The following PHACTR1 variants were observed in gnomAD, a reference collection of about 807,000 sequenced individuals.
The protein encoded by PHACTR1 is phosphatase and actin regulator 1.
Under a neutral mutation model 69.2 loss-of-function variants are expected in PHACTR1, and 16 were observed. The ratio of observed to expected loss-of-function variants is 0.23; its 90% CI spans 0.16 to 0.35. The LOEUF is 0.35. Ranked by LOEUF, PHACTR1 falls within the 10% of genes least tolerant of loss-of-function variation. PHACTR1 has a pLI of 1.00. For synonymous variants in PHACTR1, 312 were observed against 284.5 expected (o/e 1.10, Z -0.97); for missense variants, 510 against 734.7 (o/e 0.69, Z 3.54).
At chr6:13,274,880 A>G (rs1778563810) in intron 11 of PHACTR1, 1 of 152,202 alleles carries the variant, frequency 6.6e-6, no homozygotes, top group African/African-American at 2.4e-5. Context: ...GAACTACTTG[A>G]CCAATTCTAA....
intron 8 of PHACTR1, among the ~76,000 whole-genome samples, chr6:13,210,251 G>A (rs1183445101): frequency 6.6e-6 from 1 of 152,142 alleles, no homozygotes; most frequent in Non-Finnish European, 1.5e-5. Flanking sequence ...ATAGTCTAAA[G>A]TGATCATCCT....
In PHACTR1 at chr6:13,104,374, T is replaced by G. The variant is rs1815732192; in HGVS notation, c.415+50845T>G. On this transcript the variant is annotated intron_variant, in intron 5 of 14. Coordinates refer to ENST00000332995, the MANE Select transcript of PHACTR1 (RefSeq NM_030948.6). ...CGCAAGATCATACCTGTGTGTGTGT[T>G]GAGGGGTACACATGGTGACTGAACA... Among the ~76,000 whole-genome samples the G allele has an allele frequency of 2.0e-5, 3 of 152,206 alleles. No individual in the cohort carries two copies. The South Asian group carries it at 6.2e-4, about 32-fold the overall frequency.
At chr6:13,263,504 G>C (rs1776211336) in intron 10 of PHACTR1, among the ~76,000 whole-genome samples, 1 of 152,052 alleles carries the variant, frequency 6.6e-6, no homozygotes, top group African/African-American at 2.4e-5. Context: ...AACCATTTGA[G>C]GCATGGAAAC....
At position 12,899,314 on chromosome 6, in the gene PHACTR1, A is replaced by G. The variant is rs1238264410; in HGVS notation, c.250+149524A>G. Reference sequence around the variant, plus strand: ...TTCCTAATGCAGGGTTGTTATGGGGAATAGTGATGGAAATAATCATTTTAA... The same window carrying G: ...TTCCTAATGCAGGGTTGTTATGGGGGATAGTGATGGAAATAATCATTTTAA... On this transcript the variant is annotated intron_variant, in intron 4 of 14. Coordinates refer to ENST00000332995, the MANE Select transcript of PHACTR1 (RefSeq NM_030948.6). 4.6e-5 allele frequency among the ~76,000 whole-genome samples: 7 copies of G among 152,184 alleles called. 1 individual carries two copies. Among genetic ancestry groups the G allele is most frequent in the Admixed American group, 4.6e-4 (7 of 15,274 alleles).
intron 11 of PHACTR1, among the ~76,000 whole-genome samples, chr6:13,277,087 A>G (rs1292874315): frequency 7.2e-5 from 11 of 152,356 alleles, no homozygotes; most frequent in South Asian, 2.1e-4. Context: ...CTACGCTGAT[A>G]TCTGTGCTTC....
intron 4 of PHACTR1, among the ~76,000 whole-genome samples, chr6:12,852,939 C>T: frequency 6.6e-6 from 1 of 152,134 alleles, no homozygotes; most frequent in East Asian, 1.9e-4. Flanking sequence ...AAATTCATCA[C>T]CTTCCTTTAT....
At chr6:13,146,586 A>G (rs565283160) in intron 5 of PHACTR1, among the ~76,000 whole-genome samples, 8 of 152,352 alleles carry the variant, frequency 5.3e-5, no homozygotes, top group African/African-American at 1.9e-4. Context: ...GCTTATTTCC[A>G]TTAACTTGGC....
intron 4 of PHACTR1, among the ~76,000 whole-genome samples, chr6:13,000,847 A>G (rs890877982): frequency 1.3e-5 from 2 of 152,122 alleles, no homozygotes; most frequent in Non-Finnish European, 2.9e-5. Context: ...AAGGTTATTT[A>G]TGTTTCTTTC....
intron 4 of PHACTR1, among the ~76,000 whole-genome samples, chr6:12,763,483 T>C (rs572208028): frequency 6.6e-6 from 1 of 152,346 alleles, no homozygotes; most frequent in African/African-American, 2.4e-5. Flanking sequence ...AACCCAATTA[T>C]ACGAACAATT....
At position 13,246,046 on chromosome 6, in the gene PHACTR1, A is replaced by C. The variant is rs1773539365; in HGVS notation, c.1391+15853A>C. 6.6e-6 allele frequency among the ~76,000 whole-genome samples: 1 copy of C among 152,216 alleles called. No individual in the cohort carries two copies. Among genetic ancestry groups the C allele is most frequent in the Non-Finnish European group, 1.5e-5 (1 of 68,040 alleles). On this transcript the variant is annotated intron_variant, in intron 10 of 14. Coordinates refer to ENST00000332995, the MANE Select transcript of PHACTR1 (RefSeq NM_030948.6). This position sits in a 1 kb window ranked among gnomAD's most constrained non-coding sequence, Gnocchi z 4.2. ...AGGCTACACTACTAGCCAAGTTCACACAGTAATTTCTGACAAACTAGGATT... is the reference window on the plus strand; with the variant it reads ...AGGCTACACTACTAGCCAAGTTCACCCAGTAATTTCTGACAAACTAGGATT...
intron 5 of PHACTR1, among the ~76,000 whole-genome samples, chr6:13,082,345 A>G (rs565460445): frequency 6.6e-6 from 1 of 152,324 alleles, no homozygotes; most frequent in Non-Finnish European, 1.5e-5. Flanking sequence ...GGCAAATACC[A>G]TTAGCCAACA....
Position 12,985,508 on chromosome 6 carries a change from G to T in PHACTR1, c.251-67857G>T, listed in dbSNP as rs181732185. Among the ~76,000 whole-genome samples, 32 of 137,470 alleles carry T rather than the reference G, an allele frequency of 2.3e-4. 1 individual carries two copies. Among genetic ancestry groups the T allele is most frequent in the Non-Finnish European group, 4.5e-4 (30 of 65,972 alleles). The allele number at this position is 137,470 out of a possible 152,430, so 90.2% of individuals were successfully genotyped here. On this transcript the variant is annotated intron_variant, in intron 4 of 14. Coordinates refer to ENST00000332995, the MANE Select transcript of PHACTR1 (RefSeq NM_030948.6). ...TATTGACCATACTACATCATCAGAA[G>T]TTTGTAAAGTACTACAAATTAAAAA...
At chr6:13,244,653 C>T (rs753401820) in intron 10 of PHACTR1, among the ~76,000 whole-genome samples, 2 of 152,224 alleles carry the variant, frequency 1.3e-5, no homozygotes, top group African/African-American at 2.4e-5. Context: ...AGAAATATGG[C>T]TCTGTTCTGC....
chr6:12,741,768 C>CAAA (rs70987094), intron 3 of PHACTR1, among the ~76,000 whole-genome samples: 2 of 143,486 alleles, frequency 1.4e-5, no homozygotes, highest in African/African-American at 5.1e-5. Flanking sequence ...TGTCAAACTC[C>CAAA]AAAAAAAAAA....
chr6:12,798,065 C>CACACACACACACAG, intron 4 of PHACTR1, among the ~76,000 whole-genome samples: 1 of 151,858 alleles, frequency 6.6e-6, no homozygotes, highest in East Asian at 1.9e-4. Flanking sequence ...CACACACACA[C>CACACACACACACAG]ACACCCCTAC....
chr6:13,030,221 G>T (rs1276958971), intron 4 of PHACTR1, among the ~76,000 whole-genome samples: 11 of 151,892 alleles, frequency 7.2e-5, no homozygotes, highest in Admixed American at 3.9e-4. Flanking sequence ...TGCAACAGAC[G>T]TTTTATTTGC....
chr6:12,749,875 C>G, intron 4 of PHACTR1, 85 bp downstream of exon 4: 1 of 1,300,194 alleles, frequency 7.7e-7, no homozygotes, highest in Non-Finnish European at 1.0e-6. Context: ...TCCCGGGCGT[C>G]CTCCCCGCCG....
intron 5 of PHACTR1, among the ~76,000 whole-genome samples, chr6:13,113,524 CAG>C (rs2127914907): frequency 6.6e-6 from 1 of 152,246 alleles, no homozygotes; most frequent in East Asian, 1.9e-4. Context: ...TCAGTAGACA[CAG>C]AAAAATTATA....
chr6:12,997,287 A>G (rs1425636721), intron 4 of PHACTR1, among the ~76,000 whole-genome samples: 1 of 147,954 alleles, frequency 6.8e-6, no homozygotes, highest in African/African-American at 2.4e-5. Context: ...AAATCTCTAT[A>G]TAAGTGAATG....
Sources: allele counts gnomAD v4.1 joint callset (sites outside exome capture counted in the v4.1 genomes callset), GRCh38; gene constraint gnomAD v4.1.1; non-coding constraint Gnocchi (gnomAD v3.1); transcripts MANE v1.5; gene names NCBI Gene and HGNC (gene_info 2026-07-23, HGNC 2026-07-21).